The following CCDC186 variants were observed in gnomAD, a reference collection of about 807,000 sequenced individuals.
CCDC186 encodes the protein coiled-coil domain-containing protein 186.
CCDC186 carries 49 observed loss-of-function variants against 113.7 expected under a neutral mutation model. That is an observed-to-expected ratio of 0.43 (90% confidence interval 0.34 to 0.55). CCDC186 has a LOEUF of 0.55. Ranked by LOEUF, CCDC186 falls within the 20% of genes least tolerant of loss-of-function variation. The pLI is 0.02. For synonymous variants in CCDC186, 355 were observed against 345.8 expected, an observed-to-expected ratio of 1.03 and a Z score of -0.30; for missense variants, 890 against 1,011.1, an observed-to-expected ratio of 0.88 and a Z score of 1.62.
chr10:114,169,254 T>C (rs562853029), intron 1 of CCDC186, among the ~76,000 whole-genome samples: 3 of 148,914 alleles, frequency 2.0e-5, no homozygotes, highest in Admixed American at 2.0e-4. Flanking sequence ...TTTTTTTTTT[T>C]TTTTCTTAAA....
At chr10:114,161,119 C>A (rs2032156732) in intron 2 of CCDC186, among the ~76,000 whole-genome samples, 1 of 152,174 alleles carries the variant, frequency 6.6e-6, no homozygotes, top group African/African-American at 2.4e-5. Flanking sequence ...AAAAGAGAAA[C>A]CAATTTTCTA....
At position 114,151,749 on chromosome 10, in the gene CCDC186, G is replaced by A. The variant is rs117773207; in HGVS notation, c.760-529C>T. ...AGACTGACTATGGCAGGACGACAGT[G>A]CTTGTGTGCAGCAACACTTAGCCCT... On this transcript the variant is annotated intron_variant, in intron 3 of 15. Coordinates refer to ENST00000369287, the MANE Select transcript of CCDC186 (RefSeq NM_018017.4). 5.9e-5 allele frequency among the ~76,000 whole-genome samples: 9 copies of A among 152,296 alleles called. No individual in the cohort carries two copies. The East Asian group carries it at 1.7e-3, about 29-fold the overall frequency.
intron 15 of CCDC186, 65 bp from the exon 16 acceptor site, chr10:114,125,291 A>C: frequency 1.6e-6 from 2 of 1,248,246 alleles, no homozygotes; most frequent in South Asian, 2.7e-5. Flanking sequence ...AAAACAATTC[A>C]GTTTGAACTA....
intron 1 of CCDC186, among the ~76,000 whole-genome samples, chr10:114,171,467 C>A (rs1157989452): frequency 6.6e-6 from 1 of 152,098 alleles, no homozygotes; most frequent in Non-Finnish European, 1.5e-5. Flanking sequence ...AGGAGGATTG[C>A]TTGAGACCAG....
intron 4 of CCDC186, 94 bp from the exon 5 acceptor site, chr10:114,145,855 G>T: frequency 1.7e-6 from 2 of 1,165,282 alleles, no homozygotes; most frequent in South Asian, 1.7e-5. Context: ...TATTACCAAT[G>T]CATTGTTTGG....
In CCDC186 at chr10:114,149,764, G is replaced by C. The variant is rs1306087625; in HGVS notation, c.888+1328C>G. 6.9e-4 allele frequency among the ~76,000 whole-genome samples: 12 copies of C among 17,348 alleles called. 2 individuals carry two copies. The East Asian group carries it at 0.02, about 29-fold the overall frequency. The allele number at this position is 17,348 out of a possible 152,430, so 11.4% of individuals were successfully genotyped here. A position where few individuals can be genotyped will look rare whatever the true frequency, so the allele number is the denominator to read the frequency against. On this transcript the variant is annotated intron_variant, in intron 4 of 15. Coordinates refer to ENST00000369287, the MANE Select transcript of CCDC186 (RefSeq NM_018017.4). ...AGGAAGGCAGGAAGGCAGGAAGGAA[G>C]GAAGGAAGGAAGGCAGGAAGGCAGG...
At chr10:114,164,457 T>G (rs1354631086) in intron 1 of CCDC186, among the ~76,000 whole-genome samples, 13 of 152,268 alleles carry the variant, frequency 8.5e-5, no homozygotes, top group Middle Eastern at 3.4e-3. Flanking sequence ...TGGAGGTTAC[T>G]ATTCTAGCCA....
chr10:114,163,380 T>A, intron 1 of CCDC186, 51 bp from the exon 2 acceptor site: 2 of 1,433,646 alleles, frequency 1.4e-6, no homozygotes. Flanking sequence ...CAAAACCCCA[T>A]ACAAACTTGC....
At chr10:114,149,838 AAGGC>A (rs1170943023) in intron 4 of CCDC186, among the ~76,000 whole-genome samples, 1 of 107,722 alleles carries the variant, frequency 9.3e-6, no homozygotes, top group African/African-American at 4.3e-5. Context: ...GGAAGGCAGG[AAGGC>A]AGGCAGGCAG....
Position 114,163,098 on chromosome 10 carries a change from A to G in CCDC186, c.171T>C (p.Asn57=). ...LNTDKTLCQP[N]EHNNRIEAQE... Reference sequence around the variant, plus strand: ...GGGCTTCAATTCGATTATTATGCTCATTAGGTTGACATAAAGTTTTATCAG... The same window carrying G: ...GGGCTTCAATTCGATTATTATGCTCGTTAGGTTGACATAAAGTTTTATCAG... The change falls in exon 2 of 16, where the codon AAT becomes AAC. Residue 57 remains asparagine (N), a synonymous_variant. Coordinates refer to ENST00000369287, the MANE Select transcript of CCDC186 (RefSeq NM_018017.4). 1 of 1,614,056 alleles carries G rather than the reference A, an allele frequency of 6.2e-7. No homozygotes were observed.
In CCDC186 at chr10:114,129,978, G is replaced by T. The variant is rs202236617; in HGVS notation, c.2102-7C>A. 297 of 1,610,754 alleles carry T rather than the reference G, an allele frequency of 1.8e-4. No individual in the cohort carries two copies. The highest frequency in any genetic ancestry group is 5.0e-4 in the Middle Eastern group (3 of 6,038). The stretch of plus-strand genomic sequence containing the variant: ...TGATCTAATTTTCTTCGTGCTATAG[G>T]AAAAAGAAGATTATTCGTCACAATT... On this transcript the variant is annotated splice_polypyrimidine_tract_variant and splice_region_variant and intron_variant, in intron 12 of 15. Coordinates refer to ENST00000369287, the MANE Select transcript of CCDC186 (RefSeq NM_018017.4).
intron 6 of CCDC186, among the ~76,000 whole-genome samples, chr10:114,144,265 A>G (rs1006332495): frequency 6.6e-6 from 1 of 152,106 alleles, no homozygotes; most frequent in Non-Finnish European, 1.5e-5. Context: ...ACCCCATTTA[A>G]TATGTAAATA....
chr10:114,148,128 C>CA (rs556021838), intron 4 of CCDC186, among the ~76,000 whole-genome samples: 106 of 151,736 alleles, frequency 7.0e-4, no homozygotes, highest in East Asian at 1.9e-4. Flanking sequence ...GACCCTGTCT[C>CA]AAAAAAAATA....
rs1478796660 is a variant in CCDC186, at chr10:114,131,267, A to G, written c.1981T>C (p.Cys661Arg). The G allele has an allele frequency of 6.2e-7, 1 of 1,603,822 alleles. No individual in the cohort carries two copies. Among genetic ancestry groups the G allele is most frequent in the East Asian group, 2.3e-5 (1 of 44,154 alleles). Residue 661 changes from cysteine to arginine, a missense_variant, in exon 12 of 16, where the codon TGT becomes CGT. By Grantham distance (180) the Cys-to-Arg change is radical. Transcript: ENST00000369287. ...AATGCTTTAACTTCTGTTTGTCTAC[A>G]AGCGAGTTCAGCTTGCAGAGTTTGG... ...EVQTLQAELA[C>R]RQTEVKALST...
rs540809316 is a variant in CCDC186, at chr10:114,137,319, T to C, written c.1222-29A>G. The C allele has an allele frequency of 3.2e-5, 49 of 1,545,520 alleles. 2 individuals carry two copies. The South Asian group carries it at 5.5e-4, about 17-fold the overall frequency. On this transcript the variant is annotated intron_variant, in intron 6 of 15. Coordinates refer to ENST00000369287, the MANE Select transcript of CCDC186 (RefSeq NM_018017.4). ...CATTGACAAAAGACAGAGACACAGTTGGGTACAGCAACGTGATGAATGGTA... is the reference window on the plus strand; with the variant it reads ...CATTGACAAAAGACAGAGACACAGTCGGGTACAGCAACGTGATGAATGGTA...
chr10:114,135,341 G>A (rs1476728660), intron 9 of CCDC186, among the ~76,000 whole-genome samples: 1 of 152,102 alleles, frequency 6.6e-6, no homozygotes, highest in Non-Finnish European at 1.5e-5. Context: ...AAATAAGAAG[G>A]TGTATGAAAA....
At chr10:114,171,087 C>G (rs1012436021) in intron 1 of CCDC186, among the ~76,000 whole-genome samples, 11 of 152,060 alleles carry the variant, frequency 7.2e-5, no homozygotes, top group African/African-American at 1.4e-4. Context: ...AAATGACTTC[C>G]TACTAATACA....
intron 3 of CCDC186, among the ~76,000 whole-genome samples, chr10:114,156,017 G>C (rs1462923359): frequency 6.6e-6 from 1 of 152,098 alleles, no homozygotes; most frequent in Non-Finnish European, 1.5e-5. Flanking sequence ...CTCATGAAAG[G>C]AAGGGCTCTG....
intron 6 of CCDC186, among the ~76,000 whole-genome samples, chr10:114,139,514 G>C (rs894234627): frequency 6.8e-6 from 1 of 147,868 alleles, no homozygotes; most frequent in Non-Finnish European, 1.5e-5. Flanking sequence ...AGTGAGCCAA[G>C]ATCGCACCAC....
Sources: gnomAD v4.1 joint callset for allele counts (sites outside exome capture counted in the v4.1 genomes callset) on GRCh38, gnomAD v4.1.1 for gene constraint, MANE v1.5 for transcripts, NCBI Gene and HGNC (gene_info 2026-07-23, HGNC 2026-07-21) for gene names.